The following DMXL1 variants were observed in gnomAD, a reference collection of about 807,000 sequenced individuals.
The protein encoded by DMXL1 is Dmx like 1, also known as dmX-like protein 1.
Under a neutral mutation model 319.2 loss-of-function variants are expected in DMXL1, and 99 were observed. The observed-to-expected ratio is 0.31, with a 90% CI of 0.26 to 0.37. The LOEUF (loss-of-function observed/expected upper bound fraction) is 0.37, where lower values mean the gene tolerates loss of function less well. Ranked by LOEUF, DMXL1 falls within the 10% of genes least tolerant of loss-of-function variation. DMXL1 has a pLI of 1.00. For synonymous variants in DMXL1, 1,385 were observed against 1,235.2 expected (o/e 1.12, Z -2.54); for missense variants, 3,745 against 3,595.6 (o/e 1.04, Z -1.06).
intron 29 of DMXL1, among the ~76,000 whole-genome samples, chr5:119,192,768 A>G (rs1004068884): frequency 6.6e-6 from 1 of 151,688 alleles, no homozygotes; most frequent in Non-Finnish European, 1.5e-5. Context: ...TTCTTTCTTC[A>G]TCCTTCCTCT....
chr5:119,091,732 C>T (rs942470024), intron 1 of DMXL1, among the ~76,000 whole-genome samples: 3 of 152,186 alleles, frequency 2.0e-5, no homozygotes, highest in African/African-American at 7.2e-5. Context: ...GGAGATCCCA[C>T]AGGAGGTATC....
chr5:119,169,457 A>G (rs1290548922), intron 23 of DMXL1, among the ~76,000 whole-genome samples: 1 of 152,178 alleles, frequency 6.6e-6, no homozygotes, highest in Non-Finnish European at 1.5e-5. Context: ...TTTAGATTGA[A>G]CAATAGGTAG....
At chr5:119,143,972 T>A (rs771602430) in intron 14 of DMXL1, 42 bp downstream of exon 14, 118 of 1,266,464 alleles carry the variant, frequency 9.3e-5, no homozygotes, top group Non-Finnish European at 1.2e-4. Flanking sequence ...AAAAAAAAGT[T>A]TATGAAAGCA....
intron 33 of DMXL1, among the ~76,000 whole-genome samples, chr5:119,204,739 A>T (rs943679665): frequency 2.6e-5 from 4 of 152,172 alleles, no homozygotes; most frequent in African/African-American, 9.7e-5. Flanking sequence ...AGAGTTCAGA[A>T]CTGACATTTG....
intron 25 of DMXL1, among the ~76,000 whole-genome samples, chr5:119,173,776 G>GTGTGTGTATATATATATATATATATA: frequency 1.2e-3 from 80 of 67,158 alleles, no homozygotes; most frequent in African/African-American, 4.3e-3. Context: ...ATGTGTGTGT[G>GTGTGTGTATATATATATATATATATA]TATATATATA....
At chr5:119,171,369 T>A in intron 24 of DMXL1, 89 bp downstream of exon 24, 1 of 1,326,006 alleles carries the variant, frequency 7.5e-7, no homozygotes, top group African/African-American at 1.5e-5. Flanking sequence ...AAGACTTGAT[T>A]TTCTTTATTA....
chr5:119,123,069 G>C (rs1039343394), intron 9 of DMXL1, among the ~76,000 whole-genome samples: 8 of 152,184 alleles, frequency 5.3e-5, no homozygotes, highest in Admixed American at 2.6e-4. Context: ...GGGAGGCCGA[G>C]GCTGGTGGAT....
At chr5:119,155,646 C>T (rs1341077223) in intron 19 of DMXL1, among the ~76,000 whole-genome samples, 1 of 151,870 alleles carries the variant, frequency 6.6e-6, no homozygotes, top group Non-Finnish European at 1.5e-5. Context: ...TAGGATCAGC[C>T]TGGGCAACAT....
Position 119,193,813 on chromosome 5 carries a change from A to T in DMXL1, c.7315-15A>T. The stretch of plus-strand genomic sequence containing the variant: ...AGATATGTGGCTGCTAAATTTCATG[A>T]TTTCTTTATTTTAGCCTTTTCTACC... On this transcript the variant is annotated splice_polypyrimidine_tract_variant and intron_variant, in intron 29 of 43. Transcript: ENST00000539542. 1.2e-6 allele frequency: 2 copies of T among 1,609,040 alleles called. No homozygotes were observed.
chr5:119,114,646 A>G, intron 6 of DMXL1, 105 bp downstream of exon 6: 1 of 793,904 alleles, frequency 1.3e-6, no homozygotes, highest in East Asian at 2.9e-5. Context: ...CTTGAAAATA[A>G]TAGTTTCCAT....
chr5:119,172,725 C>G (rs1170150388), intron 25 of DMXL1, among the ~76,000 whole-genome samples: 4 of 151,874 alleles, frequency 2.6e-5, no homozygotes, highest in Non-Finnish European at 5.9e-5. Context: ...TTCATATATC[C>G]CTAGTGGTTT....
At chr5:119,240,285 CT>C (rs1337463795) in intron 41 of DMXL1, 133 bp from the exon 42 acceptor site, 6 of 540,340 alleles carry the variant, frequency 1.1e-5, no homozygotes, top group Non-Finnish European at 1.9e-5. Flanking sequence ...TTGTTGGTTA[CT>C]TGTATTTGTT....
intron 14 of DMXL1, among the ~76,000 whole-genome samples, chr5:119,144,322 A>G (rs897649435): frequency 6.6e-6 from 1 of 151,846 alleles, no homozygotes; most frequent in South Asian, 2.1e-4. Flanking sequence ...TCTTACTTAT[A>G]AAGACTCATT....
At chr5:119,172,647 A>G (rs1026739932) in intron 25 of DMXL1, among the ~76,000 whole-genome samples, 1 of 152,216 alleles carries the variant, frequency 6.6e-6, no homozygotes, top group Admixed American at 6.5e-5. Flanking sequence ...TCTGCTGTTA[A>G]TGTCATATTT....
At chr5:119,178,653 C>G (rs1776265091) in intron 28 of DMXL1, 2 of 985,378 alleles carry the variant, frequency 2.0e-6, no homozygotes, top group Non-Finnish European at 2.4e-6. Context: ...AAAGCTCTTT[C>G]AGCCATCAGT....
chr5:119,095,985 C>G (rs1374762127), intron 1 of DMXL1, among the ~76,000 whole-genome samples: 3 of 151,944 alleles, frequency 2.0e-5, no homozygotes, highest in African/African-American at 7.3e-5. Context: ...AGCAGGAGAC[C>G]AAAAATCAAG....
At chr5:119,155,548 C>T (rs971070611) in intron 19 of DMXL1, among the ~76,000 whole-genome samples, 1 of 152,212 alleles carries the variant, frequency 6.6e-6, no homozygotes, top group African/African-American at 2.4e-5. Context: ...CAGGGTAAAA[C>T]TTCAGCAGAG....
intron 26 of DMXL1, 125 bp from the exon 27 acceptor site, chr5:119,177,232 A>T: frequency 1.8e-6 from 1 of 556,360 alleles, no homozygotes; most frequent in Non-Finnish European, 3.0e-6. Flanking sequence ...ACTGTACATT[A>T]TATTACTTAG....
chr5:119,189,989 G>T, intron 29 of DMXL1, 103 bp downstream of exon 29: 1 of 1,196,178 alleles, frequency 8.4e-7, no homozygotes, highest in Non-Finnish European at 1.2e-6. Flanking sequence ...TTCCCACTTT[G>T]GTTTAGAAAA....
Sources: gnomAD v4.1 joint callset for allele counts (sites outside exome capture counted in the v4.1 genomes callset) on GRCh38, gnomAD v4.1.1 for gene constraint, MANE v1.5 for transcripts, NCBI Gene and HGNC (gene_info 2026-07-23, HGNC 2026-07-21) for gene names.